The following TENM2 variants were observed in gnomAD, a reference collection of about 807,000 sequenced individuals.
TENM2 encodes the protein teneurin transmembrane protein 2.
Under a neutral mutation model 245.2 loss-of-function variants are expected in TENM2, and 52 were observed. The observed-to-expected ratio is 0.21, with a 90% confidence interval of 0.17 to 0.27. TENM2 has a LOEUF of 0.27. Ranked by LOEUF, TENM2 falls within the 10% of genes least tolerant of loss-of-function variation. The pLI, the probability that TENM2 is intolerant of heterozygous loss-of-function variation, is 1.00. For synonymous variants in TENM2, 1,363 were observed against 1,438.9 expected (o/e 0.95, Z 1.19); for missense variants, 3,046 against 3,666.8 (o/e 0.83, Z 4.37).
the TENM2 span, among the ~76,000 whole-genome samples, chr5:167,005,056 A>AT: frequency 1.3e-5 from 2 of 152,158 alleles, no homozygotes; most frequent in African/African-American, 2.4e-5. Context: ...ACAAAGCAAT[A>AT]TTTTTTAAAT....
At chr5:167,021,936 A>T in the TENM2 span, among the ~76,000 whole-genome samples, 1 of 152,220 alleles carries the variant, frequency 6.6e-6, no homozygotes, top group Admixed American at 6.5e-5. Context: ...AATTTGATAT[A>T]AAAGGGCCTG....
chr5:167,492,214 T>C (rs1433023714), intron 2 of TENM2, among the ~76,000 whole-genome samples: 1 of 152,128 alleles, frequency 6.6e-6, no homozygotes, highest in African/African-American at 2.4e-5. Flanking sequence ...TCTTAATTTA[T>C]GAGGCAGTAT....
At chr5:167,431,940 C>CATATATATGTAT (rs1253661557) in intron 2 of TENM2, among the ~76,000 whole-genome samples, 3 of 65,856 alleles carry the variant, frequency 4.6e-5, no homozygotes, top group Admixed American at 1.8e-4. Flanking sequence ...TATATATATA[C>CATATATATGTAT]ATATATATGT....
At chr5:167,708,924 T>C (rs2150475335) in intron 2 of TENM2, among the ~76,000 whole-genome samples, 1 of 152,330 alleles carries the variant, frequency 6.6e-6, no homozygotes, top group South Asian at 2.1e-4. Flanking sequence ...TATTGTTATG[T>C]GTGCTAAGAA....
intron 7 of TENM2, among the ~76,000 whole-genome samples, chr5:168,077,869 A>G (rs917386552): frequency 6.6e-6 from 1 of 152,164 alleles, no homozygotes; most frequent in African/African-American, 2.4e-5. Flanking sequence ...GCTATTGTGA[A>G]TAGTGCTGCA....
chr5:167,175,891 G>C, the TENM2 span, among the ~76,000 whole-genome samples: 67 of 152,258 alleles, frequency 4.4e-4, no homozygotes, highest in African/African-American at 1.6e-3. Context: ...TGCATTTTTA[G>C]TAGAGATGGG....
At chr5:168,060,293 G>A (rs13357657) in intron 6 of TENM2, among the ~76,000 whole-genome samples, 2 of 151,814 alleles carry the variant, frequency 1.3e-5, no homozygotes, top group East Asian at 1.9e-4. Context: ...CATGCCTATC[G>A]TCCCAGCTAA....
chr5:167,961,095 C>T, intron 4 of TENM2, among the ~76,000 whole-genome samples: 1 of 152,198 alleles, frequency 6.6e-6, no homozygotes. Context: ...AATCACCTGG[C>T]TTCTGTGTTG....
At chr5:167,851,439 G>A (rs192789014) in intron 2 of TENM2, among the ~76,000 whole-genome samples, 8 of 152,236 alleles carry the variant, frequency 5.3e-5, no homozygotes, top group African/African-American at 1.7e-4. Flanking sequence ...ACGGTTTCAT[G>A]CACTATTGAA....
intron 12 of TENM2, among the ~76,000 whole-genome samples, chr5:168,153,900 T>C: frequency 6.6e-6 from 1 of 152,062 alleles, no homozygotes; most frequent in East Asian, 1.9e-4. Flanking sequence ...AGCAGGGGCA[T>C]GGCATGAGTT....
Position 167,608,311 on chromosome 5 carries a change from A to T in TENM2, c.502+232838A>T, listed in dbSNP as rs377097039. 1.7e-3 allele frequency among the ~76,000 whole-genome samples: 259 copies of T among 152,300 alleles called. 12 individuals carry two copies. In the South Asian group the frequency reaches 0.052, roughly 30 times the overall value. The stretch of plus-strand genomic sequence containing the variant: ...CATCTTGGGGACTGTCTCTTGTAGC[A>T]GGCATCTCTCCAGGGGAGTGTCTCC... On this transcript the variant is annotated intron_variant, in intron 2 of 28. Transcript: ENST00000518659.
At chr5:167,352,219 C>T (rs923804823) in intron 1 of TENM2, among the ~76,000 whole-genome samples, 3 of 152,116 alleles carry the variant, frequency 2.0e-5, no homozygotes, top group Admixed American at 1.3e-4. Flanking sequence ...CTGCTTTTCC[C>T]AAAGGGACCT....
chr5:167,379,943 A>AAAT (rs1554141902), intron 2 of TENM2, among the ~76,000 whole-genome samples: 1 of 151,756 alleles, frequency 6.6e-6, no homozygotes. Context: ...AAAAAAAAAA[A>AAAT]AACCCAGAAC....
intron 3 of TENM2, among the ~76,000 whole-genome samples, chr5:167,894,996 A>C (rs533219938): frequency 8.9e-6 from 1 of 112,908 alleles, no homozygotes; most frequent in Non-Finnish European, 1.8e-5. Flanking sequence ...GAAGGAGGGA[A>C]GGAAGGAAGG....
chr5:167,907,100 C>T (rs994843494), intron 3 of TENM2, among the ~76,000 whole-genome samples: 3 of 152,090 alleles, frequency 2.0e-5, no homozygotes, highest in African/African-American at 4.8e-5. Context: ...GGTGTGGTGG[C>T]GCATGCCTGT....
intron 2 of TENM2, among the ~76,000 whole-genome samples, chr5:167,658,837 T>G (rs1755021158): frequency 6.6e-6 from 1 of 152,158 alleles, no homozygotes; most frequent in Non-Finnish European, 1.5e-5. Context: ...GTAGCAAGAA[T>G]AATAGCAAGG....
At chr5:167,941,933 C>A (rs569500514) in intron 3 of TENM2, among the ~76,000 whole-genome samples, 1 of 151,594 alleles carries the variant, frequency 6.6e-6, no homozygotes, top group Admixed American at 6.6e-5. Context: ...ACAGGCCAGG[C>A]ACAGTGGCTC....
intron 5 of TENM2, among the ~76,000 whole-genome samples, chr5:168,020,052 C>A (rs1336153707): frequency 6.6e-6 from 1 of 152,196 alleles, no homozygotes; most frequent in Non-Finnish European, 1.5e-5. Context: ...AGGATCCACA[C>A]TGGGCTTCAG....
the TENM2 span, among the ~76,000 whole-genome samples, chr5:167,067,190 A>T: frequency 6.6e-6 from 1 of 152,200 alleles, no homozygotes; most frequent in Non-Finnish European, 1.5e-5. Context: ...TAAAAACTTC[A>T]GTAATTTCTG....
Sources: gnomAD v4.1 joint callset for allele counts (sites outside exome capture counted in the v4.1 genomes callset) on GRCh38, gnomAD v4.1.1 for gene constraint, MANE v1.5 for transcripts, NCBI Gene and HGNC (gene_info 2026-07-23, HGNC 2026-07-21) for gene names.